LMO3: variants seen among roughly 807,000 people sequenced by gnomAD.
LMO3 encodes LIM domain only 3.
A neutral mutation model predicts 15.8 loss-of-function variants in LMO3; 2 were observed. That is an observed-to-expected ratio of 0.13 (90% CI 0.05 to 0.40). LMO3 has a LOEUF of 0.40. Among genes scored for constraint, LMO3 ranks in the 10% least tolerant of loss-of-function variants. LMO3 has a pLI of 0.99. For synonymous variants in LMO3, 62 were observed against 63.8 expected (o/e 0.97, Z 0.13); for missense variants, 86 against 182.2 (o/e 0.47, Z 3.04).
At chr12:16,605,607 A>G in intron 1 of LMO3, 1 of 693,226 alleles carries the variant, frequency 1.4e-6, no homozygotes, top group South Asian at 2.0e-5. Flanking sequence ...AGTAAGGGGG[A>G]GGGGTCCGGA....
At chr12:16,563,932 G>C (rs554173628) in intron 2 of LMO3, among the ~76,000 whole-genome samples, 6 of 152,262 alleles carry the variant, frequency 3.9e-5, no homozygotes, top group South Asian at 2.1e-4. Flanking sequence ...TTATGGGCTA[G>C]ATTTTTCCCT....
At chr12:16,581,246 A>T (rs1452951615) in intron 2 of LMO3, among the ~76,000 whole-genome samples, 1 of 152,148 alleles carries the variant, frequency 6.6e-6, no homozygotes, top group Non-Finnish European at 1.5e-5. Context: ...GCTCATAAGG[A>T]TGGGTTCTGG....
intron 1 of LMO3, chr12:16,605,769 T>C: frequency 3.3e-6 from 5 of 1,534,634 alleles, no homozygotes; most frequent in Non-Finnish European, 4.4e-6. Flanking sequence ...GAGTCGTACT[T>C]GAGACGTTCC....
rs1246258735 is a variant in LMO3 at position 16,560,925 on chromosome 12, C to T, written c.207-387G>A. 4 of 186,920 alleles carry T rather than the reference C, an allele frequency of 2.1e-5. No homozygotes were observed. Among genetic ancestry groups the T allele is most frequent in the Non-Finnish European group, 3.4e-5 (3 of 87,342 alleles). The allele number at this position is 186,920 out of a possible 1,614,324, so 11.6% of individuals were successfully genotyped here. On this transcript the variant is annotated intron_variant, in intron 2 of 3. Coordinates refer to ENST00000537304, the MANE Select transcript of LMO3 (RefSeq NM_018640.5). The surrounding 1 kb of genome is among the most constrained non-coding windows in gnomAD (Gnocchi z 5.0). ...ACATTTTAGTTGGGAAAGGAACCAA[C>T]TAATGAATGATTCACTACTTTTTGA...
In LMO3 at chr12:16,604,964, G is replaced by A; in HGVS notation, c.-9+1102C>T. 2 of 1,598,022 alleles carry A rather than the reference G, an allele frequency of 1.3e-6. No individual in the cohort carries two copies. Among genetic ancestry groups the A allele is most frequent in the African/African-American group, 1.3e-5 (1 of 75,008 alleles). On this transcript the variant is annotated intron_variant, in intron 1 of 3. Transcript: ENST00000537304. The surrounding 1 kb of genome is among the most constrained non-coding windows in gnomAD (Gnocchi z 5.3). ...AACCCAAAGGTAGAAGTAGAAGGGG[G>A]TCTCCTTGATTTCGCTTAAGTGTGG...
chr12:16,566,790 T>C (rs1486929135), intron 2 of LMO3, among the ~76,000 whole-genome samples: 1 of 152,186 alleles, frequency 6.6e-6, no homozygotes. Flanking sequence ...GTATAGTACA[T>C]ATATTCATTC....
rs1296774510 is a variant in LMO3, at chr12:16,604,706, G to A, written c.-9+1360C>T. 1.3e-6 allele frequency: 1 copy of A among 756,130 alleles called. No individual in the cohort carries two copies. The highest frequency in any genetic ancestry group is 1.7e-5 in the African/African-American group (1 of 57,602). 46.8% of individuals were successfully genotyped at this position (756,130 alleles called of 1,614,324 possible). ...TAGCAGTATTTGTTGCATCTAGCAA[G>A]ATTAATTGGTTTAAGCAGCAGTCTT... is the stretch of plus-strand genomic sequence containing the variant. On this transcript the variant is annotated intron_variant, in intron 1 of 3. Transcript: ENST00000537304. The surrounding 1 kb of genome is among the most constrained non-coding windows in gnomAD (Gnocchi z 5.3).
rs974709314 is a variant in LMO3 at position 16,596,385 on chromosome 12, A to G, written c.206+4270T>C. On this transcript the variant is annotated intron_variant, in intron 2 of 3. Transcript: ENST00000537304. The surrounding 1 kb of genome is among the most constrained non-coding windows in gnomAD (Gnocchi z 4.3). ...CATTTTACAGCTTCTTATATAGGAA[A>G]AGCTATAAGCAGCTTCCATGGCACA... Among the ~76,000 whole-genome samples, 4 of 151,606 alleles carry G rather than the reference A, an allele frequency of 2.6e-5. No individual in the cohort carries two copies. The highest frequency in any genetic ancestry group is 4.4e-5 in the Non-Finnish European group (3 of 67,596).
At chr12:16,601,083 CAAT>C (rs1452570659) in intron 1 of LMO3, among the ~76,000 whole-genome samples, 1 of 151,980 alleles carries the variant, frequency 6.6e-6, no homozygotes, top group African/African-American at 2.4e-5. Flanking sequence ...TGCCAAGTGA[CAAT>C]AATAATAAAT....
intron 3 of LMO3, among the ~76,000 whole-genome samples, chr12:16,551,884 T>C (rs371144523): frequency 3.9e-5 from 6 of 152,154 alleles, no homozygotes; most frequent in African/African-American, 1.4e-4. Context: ...GAAATGAAAG[T>C]TGCTCTAGCA....
chr12:16,605,568 T>C (rs1943966127), intron 1 of LMO3: 2 of 642,172 alleles, frequency 3.1e-6, no homozygotes, highest in Non-Finnish European at 5.1e-6. Flanking sequence ...ATCAACTCTT[T>C]AAGAAGTGGG....
At chr12:16,607,603 T>C (rs1355118746), upstream of LMO3, 2 of 152,182 alleles carry the variant, frequency 1.3e-5, no homozygotes, top group African/African-American at 2.4e-5. Context: ...TCACCAGATT[T>C]TACAAAGCTT....
intron 1 of LMO3, chr12:16,605,822 T>G (rs1372295046): frequency 6.5e-7 from 1 of 1,535,408 alleles, no homozygotes; most frequent in Non-Finnish European, 8.7e-7. Flanking sequence ...ATCTTCCGCC[T>G]GCATCTATTT....
intron 2 of LMO3, among the ~76,000 whole-genome samples, chr12:16,572,940 T>G (rs1942864785): frequency 6.6e-6 from 1 of 151,666 alleles, no homozygotes; most frequent in African/African-American, 2.4e-5. Flanking sequence ...AAATTGATCA[T>G]CAAAATAGGA....
rs1400560850 is a variant in LMO3 at position 16,548,445 on chromosome 12, T to TATTA, written c.*2773_*2776dup. 6.6e-6 allele frequency: 1 copy of TATTA among 152,174 alleles called. No individual in the cohort carries two copies. The highest frequency in any genetic ancestry group is 1.5e-5 in the Non-Finnish European group (1 of 68,020). 9.4% of individuals were successfully genotyped at this position (152,174 alleles called of 1,614,324 possible). A position where few individuals can be genotyped will look rare whatever the true frequency, so the allele number is the denominator to read the frequency against. ...TGAATGAAAGAATCCAGCAGATATTTATTAAGCAAGATGAAAGTGAAATTA... is the reference window on the plus strand; with the variant it reads ...TGAATGAAAGAATCCAGCAGATATTTATTAATTAAGCAAGATGAAAGTGAAATTA... On this transcript the variant is annotated 3_prime_UTR_variant, in exon 4 of 4. Transcript: ENST00000537304. This position sits in a 1 kb window ranked among gnomAD's most constrained non-coding sequence, Gnocchi z 4.2.
Position 16,551,070 on chromosome 12 carries a change from A to T in LMO3, c.*152T>A. On this transcript the variant is annotated 3_prime_UTR_variant, in exon 4 of 4. Transcript: ENST00000537304. Reference sequence around the variant, plus strand: ...GAACTGGGGCAATTTCACTACATACAGATGCAGTCCGCCTTTTATTCCATA... The same window carrying T: ...GAACTGGGGCAATTTCACTACATACTGATGCAGTCCGCCTTTTATTCCATA... The T allele has an allele frequency of 1.8e-6, 1 of 565,650 alleles. No homozygotes were observed. Among genetic ancestry groups the T allele is most frequent in the East Asian group, 2.7e-5 (1 of 36,702 alleles). 35.0% of individuals were successfully genotyped at this position (565,650 alleles called of 1,614,324 possible). A position where few individuals can be genotyped will look rare whatever the true frequency, so the allele number is the denominator to read the frequency against.
chr12:16,600,488 A>G, intron 2 of LMO3, 167 bp downstream of exon 2: 2 of 616,940 alleles, frequency 3.2e-6, no homozygotes, highest in Non-Finnish European at 5.7e-6. Context: ...TTCCTTAAGC[A>G]TTAATTTGAG....
At chr12:16,569,837 A>G (rs1402148344) in intron 2 of LMO3, among the ~76,000 whole-genome samples, 1 of 152,170 alleles carries the variant, frequency 6.6e-6, no homozygotes, top group Non-Finnish European at 1.5e-5. Flanking sequence ...AGTAAAATAA[A>G]GGATAACACA....
chr12:16,566,068 A>G (rs1942600706), intron 2 of LMO3, among the ~76,000 whole-genome samples: 1 of 136,136 alleles, frequency 7.3e-6, no homozygotes, highest in Non-Finnish European at 1.6e-5. Context: ...GCCATAAAAA[A>G]GAATGAAATC....
Sources: allele counts gnomAD v4.1 joint callset (sites outside exome capture counted in the v4.1 genomes callset), GRCh38; gene constraint gnomAD v4.1.1; non-coding constraint Gnocchi (gnomAD v3.1); transcripts MANE v1.5; gene names NCBI Gene and HGNC (gene_info 2026-07-23, HGNC 2026-07-21).